WDR7: variants seen among roughly 807,000 people sequenced by gnomAD.
The protein encoded by WDR7 is WD repeat-containing protein 7.
Under a neutral mutation model 169.4 loss-of-function variants are expected in WDR7, and 46 were observed. The observed-to-expected ratio is 0.27, with a 90% CI of 0.21 to 0.35. The LOEUF is 0.35. WDR7 is among the 10% of genes least tolerant of loss of function. The probability of loss-of-function intolerance (pLI) is 1.00; values close to 1 mark genes in which losing one functional copy is unlikely to be tolerated. For missense variants in WDR7, 1,534 were observed against 1,859.3 expected (o/e 0.83, Z 3.22); for synonymous variants, 612 against 666.8 (o/e 0.92, Z 1.27).
chr18:56,781,753 T>C, intron 19 of WDR7, 97 bp downstream of exon 19: 1 of 1,235,376 alleles, frequency 8.1e-7, no homozygotes, highest in Non-Finnish European at 1.0e-6. Context: ...TCAACAAAAA[T>C]GAGTCACTGA....
chr18:56,881,187 TAACTGTTTTTTGAA>T (rs935873515), intron 21 of WDR7, among the ~76,000 whole-genome samples: 10 of 152,306 alleles, frequency 6.6e-5, no homozygotes, highest in African/African-American at 2.2e-4. Flanking sequence ...GCCCCTCCTA[TAACTGTTTTTTGAA>T]AGACTTCATT....
intron 20 of WDR7, among the ~76,000 whole-genome samples, chr18:56,860,137 C>T (rs373773178): frequency 3.9e-5 from 6 of 152,142 alleles, no homozygotes; most frequent in Admixed American, 2.0e-4. Flanking sequence ...CCAAGCCCAT[C>T]GCCTCTGCTG....
At chr18:56,776,263 G>C (rs533633600) in intron 16 of WDR7, among the ~76,000 whole-genome samples, 2 of 151,838 alleles carry the variant, frequency 1.3e-5, no homozygotes, top group South Asian at 2.1e-4. Context: ...TTCTTTGCAA[G>C]TTGGGATATT....
chr18:56,915,621 G>A (rs988504142), intron 21 of WDR7, among the ~76,000 whole-genome samples: 27 of 152,100 alleles, frequency 1.8e-4, no homozygotes, highest in Admixed American at 6.5e-4. Flanking sequence ...CAGTTGACTA[G>A]CCTAGGGGGG....
intron 25 of WDR7, among the ~76,000 whole-genome samples, chr18:56,955,562 T>C (rs1265151091): frequency 6.6e-6 from 1 of 152,222 alleles, no homozygotes; most frequent in East Asian, 1.9e-4. Context: ...TGTATTAGCA[T>C]GTTATTAGTT....
chr18:56,742,874 G>A (rs999056474), intron 14 of WDR7, among the ~76,000 whole-genome samples: 4 of 152,076 alleles, frequency 2.6e-5, no homozygotes, highest in African/African-American at 7.2e-5. Context: ...TGGGAAATGA[G>A]GCGAGTCCAT....
chr18:56,718,137 G>A lies in WDR7; in HGVS notation c.1752G>A (p.Val584=), dbSNP rs1306693820. Residue 584 remains valine (V), a synonymous_variant, in exon 13 of 28, where the codon GTG becomes GTA. Transcript: ENST00000254442. ...TGGTGGGGTGTTCAGATGGTTCTGT[G>A]TACGTCTGGCAAATGGATACTGGTA... ...YLVVGCSDGS[V]YVWQMDTGAL... The A allele has an allele frequency of 1.2e-6, 2 of 1,612,750 alleles. No individual in the cohort carries two copies. The highest frequency in any genetic ancestry group is 1.7e-6 in the Non-Finnish European group (2 of 1,179,506).
chr18:57,019,525 T>C (rs1364041973), intron 26 of WDR7, among the ~76,000 whole-genome samples: 2 of 152,164 alleles, frequency 1.3e-5, no homozygotes, highest in African/African-American at 2.4e-5. Context: ...ATAACTTTTT[T>C]TTTGAGTGTT....
At chr18:57,016,377 A>C (rs2048207873) in intron 26 of WDR7, among the ~76,000 whole-genome samples, 1 of 152,106 alleles carries the variant, frequency 6.6e-6, no homozygotes, top group Non-Finnish European at 1.5e-5. Context: ...ACTTTTGGAA[A>C]TCTCGTTTTC....
At chr18:56,811,107 A>G (rs1599063835) in intron 19 of WDR7, among the ~76,000 whole-genome samples, 1 of 152,198 alleles carries the variant, frequency 6.6e-6, no homozygotes. Context: ...ATGCCATAGC[A>G]TGTATTGGAA....
At chr18:56,896,739 A>G (rs894954922) in intron 21 of WDR7, among the ~76,000 whole-genome samples, 2 of 151,882 alleles carry the variant, frequency 1.3e-5, no homozygotes, top group African/African-American at 2.4e-5. Context: ...GAAAGATGAT[A>G]TAGGAAAATA....
intron 21 of WDR7, among the ~76,000 whole-genome samples, chr18:56,914,725 TCAAA>T (rs1201750699): frequency 6.6e-6 from 1 of 152,188 alleles, no homozygotes; most frequent in African/African-American, 2.4e-5. Context: ...CCCCTGACCA[TCAAA>T]CAATCAGCAC....
intron 26 of WDR7, among the ~76,000 whole-genome samples, chr18:57,013,867 C>T (rs1012520006): frequency 6.6e-6 from 1 of 152,186 alleles, no homozygotes; most frequent in Non-Finnish European, 1.5e-5. Context: ...AACAACTGTA[C>T]GAGTTTTTCC....
chr18:56,788,535 A>T (rs1198814457), intron 19 of WDR7, among the ~76,000 whole-genome samples: 2 of 152,120 alleles, frequency 1.3e-5, no homozygotes, highest in South Asian at 2.1e-4. Flanking sequence ...TCTCTGATAA[A>T]AATATACCTA....
intron 12 of WDR7, among the ~76,000 whole-genome samples, chr18:56,707,471 A>G (rs1224755700): frequency 5.9e-5 from 9 of 151,512 alleles, no homozygotes; most frequent in Non-Finnish European, 1.2e-4. Flanking sequence ...AAGATAATTA[A>G]GAACCAACAA....
In WDR7 at chr18:56,803,500, A is replaced by G. The variant is rs183323182; in HGVS notation, c.3191-12531A>G. 4.6e-3 allele frequency among the ~76,000 whole-genome samples: 700 copies of G among 152,288 alleles called. 25 individuals are homozygous for G. The highest frequency in any genetic ancestry group is 0.042 in the Admixed American group (650 of 15,300). On this transcript the variant is annotated intron_variant, in intron 19 of 27. Coordinates refer to ENST00000254442, the MANE Select transcript of WDR7 (RefSeq NM_015285.3). ...AAATATTCTGATTTTTTGCCATCAA[A>G]TATCTTATTTATAAACATGTATCGT...
At chr18:56,820,553 T>C (rs1297731885) in intron 20 of WDR7, among the ~76,000 whole-genome samples, 1 of 151,990 alleles carries the variant, frequency 6.6e-6, no homozygotes, top group Non-Finnish European at 1.5e-5. Context: ...TACTCATTAA[T>C]AGATGCAGAG....
chr18:56,776,531 A>ACATT (rs2044244799), intron 16 of WDR7, among the ~76,000 whole-genome samples: 1 of 152,188 alleles, frequency 6.6e-6, no homozygotes, highest in Non-Finnish European at 1.5e-5. Flanking sequence ...ATTAGTCAAT[A>ACATT]CATTCATCAG....
chr18:56,810,022 C>T (rs540813979), intron 19 of WDR7, among the ~76,000 whole-genome samples: 1 of 152,148 alleles, frequency 6.6e-6, no homozygotes, highest in South Asian at 2.1e-4. Context: ...TTATCTCGAT[C>T]CATTAACATA....
Sources: allele counts gnomAD v4.1 joint callset (sites outside exome capture counted in the v4.1 genomes callset), GRCh38; gene constraint gnomAD v4.1.1; transcripts MANE v1.5; gene names NCBI Gene and HGNC (gene_info 2026-07-23, HGNC 2026-07-21).